The following FER variants were observed in gnomAD, a reference collection of about 807,000 sequenced individuals.
FER encodes tyrosine-protein kinase Fer.
Under a neutral mutation model 111.0 loss-of-function variants are expected in FER, and 63 were observed. The observed-to-expected ratio is 0.57, with a 90% CI of 0.46 to 0.70. FER has a LOEUF of 0.70. Among genes scored for constraint, FER ranks in the 30% least tolerant of loss-of-function variants. The pLI, the probability that FER is intolerant of heterozygous loss-of-function variation, is 0.00. For missense variants in FER, 914 were observed against 954.0 expected, an observed-to-expected ratio of 0.96 and a Z score of 0.55; for synonymous variants, 327 against 313.9, an observed-to-expected ratio of 1.04 and a Z score of -0.44.
At chr5:109,067,258 T>C (rs908075245) in intron 16 of FER, among the ~76,000 whole-genome samples, 6 of 147,662 alleles carry the variant, frequency 4.1e-5, no homozygotes, top group African/African-American at 5.2e-5. Context: ...GTTGTTGTTG[T>C]TGTTGCTGTT....
chr5:108,953,376 C>T (rs1351457059), intron 11 of FER, among the ~76,000 whole-genome samples: 3 of 151,772 alleles, frequency 2.0e-5, no homozygotes, highest in African/African-American at 7.3e-5. Flanking sequence ...AATTAAAAGA[C>T]TTAGTTTACC....
chr5:108,885,201 T>A (rs1253895937), intron 9 of FER, among the ~76,000 whole-genome samples: 1 of 151,924 alleles, frequency 6.6e-6, no homozygotes, highest in East Asian at 1.9e-4. Flanking sequence ...TTGACATGCC[T>A]TTTTGAATGT....
At chr5:109,024,886 C>T (rs1768463086) in intron 13 of FER, among the ~76,000 whole-genome samples, 1 of 150,786 alleles carries the variant, frequency 6.6e-6, no homozygotes, top group Non-Finnish European at 1.5e-5. Flanking sequence ...AATCCTTTCC[C>T]CATTGCTTGT....
chr5:108,790,018 G>GT lies in FER; in HGVS notation c.-59-8098dup, dbSNP rs778304333. 1.3e-3 allele frequency among the ~76,000 whole-genome samples: 196 copies of GT among 152,016 alleles called. 2 individuals carry two copies. Among genetic ancestry groups the GT allele is most frequent in the Admixed American group, 3.9e-3 (60 of 15,256 alleles). Reference sequence around the variant, plus strand: ...AAAATGAACCACAATATCAGATACAGTTTTTTTTAAAAAATGTAAAATATT... The same window carrying GT: ...AAAATGAACCACAATATCAGATACAGTTTTTTTTTAAAAAATGTAAAATATT... On this transcript the variant is annotated intron_variant, in intron 2 of 19. Coordinates refer to ENST00000281092, the MANE Select transcript of FER (RefSeq NM_005246.4).
At chr5:108,908,289 T>G (rs1561597629) in intron 10 of FER, among the ~76,000 whole-genome samples, 2 of 152,212 alleles carry the variant, frequency 1.3e-5, no homozygotes, top group Admixed American at 6.5e-5. Context: ...TTAAAAAATT[T>G]TTTAAAAACC....
At chr5:109,020,633 A>G (rs1767796787) in intron 13 of FER, among the ~76,000 whole-genome samples, 1 of 151,990 alleles carries the variant, frequency 6.6e-6, no homozygotes, top group South Asian at 2.1e-4. Context: ...ACAAAGATTA[A>G]TTATGTTTTA....
intron 17 of FER, among the ~76,000 whole-genome samples, chr5:109,114,421 T>G (rs1199118973): frequency 6.6e-6 from 1 of 152,144 alleles, no homozygotes; most frequent in Admixed American, 6.6e-5. Context: ...CATTTTTATA[T>G]GCTAATATCA....
chr5:109,051,273 C>G (rs1772759928), intron 16 of FER: 1 of 1,333,966 alleles, frequency 7.5e-7, no homozygotes, highest in Non-Finnish European at 1.1e-6. Flanking sequence ...TTTTTCTTCT[C>G]CACAAGTGAG....
At chr5:108,956,035 C>A (rs1467842910) in intron 12 of FER, among the ~76,000 whole-genome samples, 1 of 151,684 alleles carries the variant, frequency 6.6e-6, no homozygotes, top group Non-Finnish European at 1.5e-5. Flanking sequence ...TAAAGTATTT[C>A]CACTATCATA....
chr5:109,166,516 A>G (rs1464278882), intron 17 of FER, among the ~76,000 whole-genome samples: 5 of 152,114 alleles, frequency 3.3e-5, no homozygotes, highest in African/African-American at 1.2e-4. Context: ...CTATTAATCA[A>G]TCTGTTGTCC....
chr5:108,933,208 A>G (rs963924738), intron 10 of FER, among the ~76,000 whole-genome samples: 1 of 152,134 alleles, frequency 6.6e-6, no homozygotes, highest in African/African-American at 2.4e-5. Context: ...GTTTTCTTCT[A>G]GAGTTTTTAT....
chr5:109,051,482 T>C (rs1420987347), intron 16 of FER: 2 of 1,612,858 alleles, frequency 1.2e-6, no homozygotes, highest in Admixed American at 3.3e-5. Context: ...GAGTTAGAGA[T>C]GGTGCTTCCC....
At chr5:108,858,766 A>ATTTTTTT (rs75243334) in intron 5 of FER, among the ~76,000 whole-genome samples, 7 of 124,712 alleles carry the variant, frequency 5.6e-5, no homozygotes, top group South Asian at 2.6e-4. Context: ...CAGTTTTTTC[A>ATTTTTTT]TTTTTTTTTT....
chr5:109,152,484 A>C (rs1561962762), intron 17 of FER, among the ~76,000 whole-genome samples: 1 of 152,030 alleles, frequency 6.6e-6, no homozygotes, highest in Non-Finnish European at 1.5e-5. Context: ...GCTGTATAGA[A>C]ATCATTAATA....
At chr5:108,864,932 T>A (rs2150226872) in intron 5 of FER, among the ~76,000 whole-genome samples, 1 of 152,150 alleles carries the variant, frequency 6.6e-6, no homozygotes, top group East Asian at 1.9e-4. Flanking sequence ...GCATTGAATC[T>A]ATAAATTACC....
intron 13 of FER, among the ~76,000 whole-genome samples, chr5:109,036,333 C>T (rs1355816754): frequency 6.6e-6 from 1 of 152,050 alleles, no homozygotes; most frequent in African/African-American, 2.4e-5. Context: ...TTTTAAAAAT[C>T]AGTGTTGTCC....
chr5:108,864,768 G>A (rs1443260034), intron 5 of FER, among the ~76,000 whole-genome samples: 1 of 152,140 alleles, frequency 6.6e-6, no homozygotes, highest in African/African-American at 2.4e-5. Flanking sequence ...TAGCCTTGTA[G>A]TATAGTTTGA....
In FER at chr5:108,798,353, T is replaced by A. The variant is rs761311669; in HGVS notation, c.171T>A (p.Ser57Arg). 6.2e-7 allele frequency: 1 copy of A among 1,613,840 alleles called. No homozygotes were observed. The highest frequency in any genetic ancestry group is 1.1e-5 in the South Asian group (1 of 91,074). ...TTTGTAATCAAGTTGATAAGGAAAG[T>A]ACTGTCCAAATGAATTATGTCAGCA... is the stretch of plus-strand genomic sequence containing the variant. ...QNLCNQVDKE[S>R]TVQMNYVSNV... The change falls in exon 3 of 20, where the codon AGT becomes AGA. Residue 57 changes from serine (S) to arginine (R), a missense_variant. By Grantham distance (110) the Ser-to-Arg change is moderately radical. Coordinates refer to ENST00000281092, the MANE Select transcript of FER (RefSeq NM_005246.4).
intron 2 of FER, among the ~76,000 whole-genome samples, chr5:108,796,743 C>G (rs545179973): frequency 2.0e-4 from 31 of 152,030 alleles, no homozygotes; most frequent in Non-Finnish European, 3.7e-4. Context: ...TGAATGCTGG[C>G]AGTCCTGGGA....
Sources: allele counts gnomAD v4.1 joint callset (sites outside exome capture counted in the v4.1 genomes callset), GRCh38; gene constraint gnomAD v4.1.1; transcripts MANE v1.5; gene names NCBI Gene and HGNC (gene_info 2026-07-23, HGNC 2026-07-21).